TRDMT1: variants seen among roughly 807,000 people sequenced by gnomAD.
TRDMT1 encodes the protein tRNA aspartic acid methyltransferase 1.
TRDMT1 carries 49 observed loss-of-function variants against 51.2 expected under a neutral mutation model. The observed-to-expected ratio is 0.96, with a 90% CI of 0.76 to 1.21. The LOEUF (loss-of-function observed/expected upper bound fraction) is 1.21. Ranked by LOEUF, TRDMT1 falls within the 50% of genes most tolerant of loss-of-function variation. The pLI is 0.00. For synonymous variants in TRDMT1, 187 were observed against 164.6 expected (o/e 1.14, Z -1.04); for missense variants, 534 against 462.3 (o/e 1.16, Z -1.42).
intron 9 of TRDMT1, among the ~76,000 whole-genome samples, chr10:17,154,383 TTAAC>T (rs1839212364): frequency 6.6e-6 from 1 of 151,938 alleles, no homozygotes; most frequent in Admixed American, 6.6e-5. Flanking sequence ...TTAGAGAACA[TTAAC>T]TATTGTAGGC....
chr10:17,160,615 C>A (rs1029040945), intron 5 of TRDMT1, among the ~76,000 whole-genome samples: 2 of 152,024 alleles, frequency 1.3e-5, no homozygotes, highest in East Asian at 3.9e-4. Flanking sequence ...GGATTACAGG[C>A]ACCCACCACC....
intron 1 of TRDMT1, among the ~76,000 whole-genome samples, chr10:17,177,713 A>ACACAC (rs1842778770): frequency 6.8e-6 from 1 of 147,032 alleles, no homozygotes; most frequent in African/African-American, 2.5e-5. Context: ...ATAGACAAGA[A>ACACAC]ACACACACAC....
intron 3 of TRDMT1, among the ~76,000 whole-genome samples, chr10:17,163,179 A>C (rs1443699609): frequency 6.6e-6 from 1 of 152,204 alleles, no homozygotes; most frequent in Non-Finnish European, 1.5e-5. Flanking sequence ...ACCAGGGTCA[A>C]AACAAGTCAT....
In TRDMT1 at chr10:17,160,380, A is replaced by C. The variant is rs780750563; in HGVS notation, c.390-6T>G. 6.6e-7 allele frequency: 1 copy of C among 1,511,946 alleles called. No individual in the cohort carries two copies. The highest frequency in any genetic ancestry group is 2.2e-5 in the Admixed American group (1 of 46,036). 93.7% of individuals were successfully genotyped at this position (1,511,946 alleles called of 1,614,324 possible). A position where few individuals can be genotyped will look rare whatever the true frequency, so the allele number is the denominator to read the frequency against. ...TTGTTTGTATCAAGAGGTCTCTAAA[A>C]AGAAAAAAAAAAAACTTTAATTCTT... On this transcript the variant is annotated splice_region_variant and splice_polypyrimidine_tract_variant and intron_variant, in intron 5 of 10. Coordinates refer to ENST00000377799, the MANE Select transcript of TRDMT1 (RefSeq NM_004412.7).
chr10:17,194,800 G>A lies in TRDMT1; in HGVS notation c.64+6771C>T, dbSNP rs552627942. On this transcript the variant is annotated intron_variant, in intron 1 of 10. Coordinates refer to ENST00000377799, the MANE Select transcript of TRDMT1 (RefSeq NM_004412.7). ...ATACAAAAATTAGCCAAGCGTGGTC[G>A]TGGGCACCTGTAATCACAGCTACTA... Among the ~76,000 whole-genome samples the A allele has an allele frequency of 3.9e-5, 6 of 152,012 alleles. No homozygotes were observed. The East Asian group carries it at 5.8e-4, about 15-fold the overall frequency.
rs1212235395 is a variant in TRDMT1, at chr10:17,168,863, G to A, written c.229C>T (p.Pro77Ser). 1.2e-6 allele frequency: 2 copies of A among 1,612,134 alleles called. No individual in the cohort carries two copies. The change falls in exon 3 of 11, where the codon CCT (proline) becomes TCT (serine). Residue 77 changes from proline to serine, a missense_variant. Physicochemically the swap from Pro to Ser is moderately conservative, Grantham distance 74. Transcript: ENST00000377799. ...RLSFDMILMSPPCQPFTRIGR... is the reference protein window; with the variant it reads ...RLSFDMILMSSPCQPFTRIGR... Reference sequence around the variant, plus strand: ...TACCTTGTGAATGGCTGGCAGGGAGGGCTCATTAAAATCATATCAAAAGAT... The same window carrying A: ...TACCTTGTGAATGGCTGGCAGGGAGAGCTCATTAAAATCATATCAAAAGAT...
intron 1 of TRDMT1, among the ~76,000 whole-genome samples, chr10:17,175,521 G>A (rs1842518122): frequency 6.6e-6 from 1 of 152,142 alleles, no homozygotes; most frequent in Admixed American, 6.5e-5. Context: ...TCAGGAGAAA[G>A]TGTGAAGTTT....
At chr10:17,185,865 T>A (rs1017734761) in intron 1 of TRDMT1, among the ~76,000 whole-genome samples, 3 of 151,784 alleles carry the variant, frequency 2.0e-5, no homozygotes, top group Admixed American at 2.0e-4. Flanking sequence ...ATGAGAACAC[T>A]TGGACACAGG....
rs1003722000 is a variant in TRDMT1, at chr10:17,144,526, A to G, written c.*4514T>C. 4.1e-6 allele frequency: 4 copies of G among 985,754 alleles called. No homozygotes were observed. The highest frequency in any genetic ancestry group is 4.8e-6 in the Non-Finnish European group (4 of 829,934). The allele number at this position is 985,754 out of a possible 1,614,324, so 61.1% of individuals were successfully genotyped here. On this transcript the variant is annotated 3_prime_UTR_variant, in exon 11 of 11. Coordinates refer to ENST00000377799, the MANE Select transcript of TRDMT1 (RefSeq NM_004412.7). Reference sequence around the variant, plus strand: ...TGGTGTACTTGAGGGAGACTTCAGTAAGTGCTGGATGTGGCTGAAAGTAAG... The same window carrying G: ...TGGTGTACTTGAGGGAGACTTCAGTGAGTGCTGGATGTGGCTGAAAGTAAG...
Position 17,148,212 on chromosome 10 carries a change from G to A in TRDMT1, c.*828C>T. 1 of 985,334 alleles carries A rather than the reference G, an allele frequency of 1.0e-6. No homozygotes were observed. Among genetic ancestry groups the A allele is most frequent in the Non-Finnish European group, 1.2e-6 (1 of 829,856 alleles). 61.0% of individuals were successfully genotyped at this position (985,334 alleles called of 1,614,324 possible). On this transcript the variant is annotated 3_prime_UTR_variant, in exon 11 of 11. Coordinates refer to ENST00000377799, the MANE Select transcript of TRDMT1 (RefSeq NM_004412.7). ...TTGCTACAATAAAGAACAACTGGGG[G>A]GAGGGGAGTACTGTCATATGACATG... is the stretch of plus-strand genomic sequence containing the variant.
intron 1 of TRDMT1, among the ~76,000 whole-genome samples, chr10:17,185,423 G>C (rs1301905111): frequency 6.6e-6 from 1 of 152,132 alleles, no homozygotes; most frequent in Non-Finnish European, 1.5e-5. Context: ...GGAAACAACA[G>C]GTGCTGGAGA....
In TRDMT1 at chr10:17,143,843, T is replaced by A. The variant is rs997115290; in HGVS notation, c.*5197A>T. The A allele has an allele frequency of 2.0e-6, 2 of 985,346 alleles. No homozygotes were observed. Among genetic ancestry groups the A allele is most frequent in the African/African-American group, 1.7e-5 (1 of 57,254 alleles). The allele number at this position is 985,346 out of a possible 1,614,324, so 61.0% of individuals were successfully genotyped here. A position where few individuals can be genotyped will look rare whatever the true frequency, so the allele number is the denominator to read the frequency against. On this transcript the variant is annotated 3_prime_UTR_variant, in exon 11 of 11. Transcript: ENST00000377799. ...ACTTGGAAGATGTGGAGACTAACCG[T>A]ACCATAAATATTAAAGTCAAGAGTG...
chr10:17,190,977 C>T (rs1047409140), intron 1 of TRDMT1, among the ~76,000 whole-genome samples: 3 of 152,126 alleles, frequency 2.0e-5, no homozygotes, highest in African/African-American at 7.2e-5. Flanking sequence ...TTATGTAGGT[C>T]GGTTACAGAA....
chr10:17,160,838 T>C (rs575618350), intron 5 of TRDMT1, among the ~76,000 whole-genome samples: 1 of 152,218 alleles, frequency 6.6e-6, no homozygotes, highest in Non-Finnish European at 1.5e-5. Context: ...CCTACGTTTT[T>C]ACTAAGTTCA....
chr10:17,141,819 T>G lies in TRDMT1; in HGVS notation c.*7221A>C, dbSNP rs1354347619. ...CATTCACTTTGAAATATCTGCCACT[T>G]TGAAAGAAATTCATGCCAAGACACA... On this transcript the variant is annotated 3_prime_UTR_variant, in exon 11 of 11. Transcript: ENST00000377799. Among the ~76,000 whole-genome samples the G allele has an allele frequency of 6.6e-6, 1 of 152,244 alleles. No homozygotes were observed. Among genetic ancestry groups the G allele is most frequent in the African/African-American group, 2.4e-5 (1 of 41,458 alleles).
chr10:17,159,580 T>C (rs1840025657), intron 6 of TRDMT1, among the ~76,000 whole-genome samples: 1 of 152,170 alleles, frequency 6.6e-6, no homozygotes, highest in Admixed American at 6.5e-5. Flanking sequence ...TTCTTGGCTA[T>C]TTATTACCTC....
chr10:17,146,597 T>A lies in TRDMT1; in HGVS notation c.*2443A>T. ...TACCTTACAATTATCTGGCAAGCCG[T>A]TTAAAAGAGCAGGGATGATGGGAAA... On this transcript the variant is annotated 3_prime_UTR_variant, in exon 11 of 11. Transcript: ENST00000377799. 1 of 985,332 alleles carries A rather than the reference T, an allele frequency of 1.0e-6. No homozygotes were observed. Among genetic ancestry groups the A allele is most frequent in the Non-Finnish European group, 1.2e-6 (1 of 829,836 alleles). The allele number at this position is 985,332 out of a possible 1,614,324, so 61.0% of individuals were successfully genotyped here.
intron 1 of TRDMT1, among the ~76,000 whole-genome samples, chr10:17,187,640 C>T (rs1844123389): frequency 6.6e-6 from 1 of 152,052 alleles, no homozygotes; most frequent in Non-Finnish European, 1.5e-5. Context: ...TAAAGATAAA[C>T]AAGTACAATA....
chr10:17,146,070 C>T lies in TRDMT1; in HGVS notation c.*2970G>A. 1.0e-6 allele frequency: 1 copy of T among 985,392 alleles called. No individual in the cohort carries two copies. Among genetic ancestry groups the T allele is most frequent in the Non-Finnish European group, 1.2e-6 (1 of 829,930 alleles). 61.0% of individuals were successfully genotyped at this position (985,392 alleles called of 1,614,324 possible). On this transcript the variant is annotated 3_prime_UTR_variant, in exon 11 of 11. Coordinates refer to ENST00000377799, the MANE Select transcript of TRDMT1 (RefSeq NM_004412.7). The stretch of plus-strand genomic sequence containing the variant: ...TCTAACCCCATCCAATTTTACATCC[C>T]ACATGGTAGCAATACAGCCTTTCAG...
Sources: gnomAD v4.1 joint callset for allele counts (sites outside exome capture counted in the v4.1 genomes callset) on GRCh38, gnomAD v4.1.1 for gene constraint, MANE v1.5 for transcripts, NCBI Gene and HGNC (gene_info 2026-07-23, HGNC 2026-07-21) for gene names.